The following LRP2 variants were observed in gnomAD, a reference collection of about 807,000 sequenced individuals.
LRP2 encodes the protein low-density lipoprotein receptor-related protein 2.
LRP2 carries 172 observed loss-of-function variants against 531.0 expected under a neutral mutation model. The ratio of observed to expected loss-of-function variants is 0.32; its 90% CI spans 0.29 to 0.37. LRP2 has a LOEUF of 0.37. LRP2 is among the 10% of genes least tolerant of loss of function. The pLI, the probability that LRP2 is intolerant of heterozygous loss-of-function variation, is 1.00. For synonymous variants in LRP2, 1,992 were observed against 2,027.6 expected (o/e 0.98, Z 0.47); for missense variants, 5,167 against 5,868.3 (o/e 0.88, Z 3.90).
chr2:169,282,453 T>C (rs1420255272), intron 10 of LRP2, among the ~76,000 whole-genome samples: 1 of 152,224 alleles, frequency 6.6e-6, no homozygotes, highest in East Asian at 1.9e-4. Flanking sequence ...AGCATGTCCA[T>C]TTGGAAATAT....
chr2:169,356,044 C>T (rs1271895362), intron 1 of LRP2, among the ~76,000 whole-genome samples: 1 of 152,086 alleles, frequency 6.6e-6, no homozygotes, highest in African/African-American at 2.4e-5. Flanking sequence ...GGGCACACCA[C>T]CATTCCTGGC....
intron 77 of LRP2, among the ~76,000 whole-genome samples, chr2:169,131,221 T>A (rs1457538225): frequency 6.6e-6 from 1 of 150,834 alleles, no homozygotes; most frequent in East Asian, 2.0e-4. Context: ...AATTCCTTTC[T>A]AGACAATATT....
chr2:169,338,359 G>GGAAAGAAA (rs869084371), intron 1 of LRP2, among the ~76,000 whole-genome samples: 11,572 of 76,238 alleles, frequency 0.15, 1,084 homozygotes, highest in Middle Eastern at 0.22. Context: ...AAAGAAAGAA[G>GGAAAGAAA]GAAAGAAAGA....
rs1318493100 is a variant in LRP2 at position 169,206,636 on chromosome 2, C to T, written c.7084G>A (p.Gly2362Arg). 6.2e-7 allele frequency: 1 copy of T among 1,614,002 alleles called. No homozygotes were observed. Among genetic ancestry groups the T allele is most frequent in the African/African-American group, 1.3e-5 (1 of 74,898 alleles). ...CAGTCACATTTTGGGGTGTGCAATC[C>T]AGGCAGAGCAAAGCAGAGATGAGAG... is the stretch of plus-strand genomic sequence containing the variant. ...GCSHLCFALP[G>R]LHTPKCDCAF... The change falls in exon 39 of 79, where the codon GGA becomes AGA. Residue 2362 changes from glycine (G) to arginine (R), a missense_variant. Gly to Arg is a moderately radical substitution (Grantham distance 125). Around this residue, in one of 6 missense-constraint regions of LRP2, gnomAD observed 2,811 missense variants for 3,058.0 expected, o/e 0.92. Coordinates refer to ENST00000649046, the MANE Select transcript of LRP2 (RefSeq NM_004525.3).
At chr2:169,335,272 C>T (rs1257502453) in intron 1 of LRP2, among the ~76,000 whole-genome samples, 1 of 152,152 alleles carries the variant, frequency 6.6e-6, no homozygotes, top group East Asian at 1.9e-4. Context: ...AGGTGATCCT[C>T]TGGAGTTTTA....
chr2:169,271,760 A>G lies in LRP2; in HGVS notation c.2117-653T>C, dbSNP rs867188915. On this transcript the variant is annotated intron_variant, in intron 15 of 78. Transcript: ENST00000649046. Reference sequence around the variant, plus strand: ...CCTCAAGTTGGTTTAACTTCTGCATAGAGATCTACACCAAGAACCTTACAG... The same window carrying G: ...CCTCAAGTTGGTTTAACTTCTGCATGGAGATCTACACCAAGAACCTTACAG... 1.2e-5 allele frequency: 10 copies of G among 824,874 alleles called. No individual in the cohort carries two copies. In the African/African-American group the frequency reaches 2.5e-4, roughly 21 times the overall value. 51.1% of individuals were successfully genotyped at this position (824,874 alleles called of 1,614,324 possible).
At chr2:169,286,156 G>A (rs544623588) in intron 9 of LRP2, among the ~76,000 whole-genome samples, 3 of 152,180 alleles carry the variant, frequency 2.0e-5, no homozygotes, top group African/African-American at 7.2e-5. Flanking sequence ...TGAAATAAAT[G>A]TTAACCCAGC....
chr2:169,346,977 A>C (rs1224189716), intron 1 of LRP2, among the ~76,000 whole-genome samples: 1 of 152,214 alleles, frequency 6.6e-6, no homozygotes. Context: ...TTCCCCATAA[A>C]GCCATTCTAA....
At position 169,347,821 on chromosome 2, in the gene LRP2, T is replaced by TTGAA. The variant is rs113680574; in HGVS notation, c.79+14496_79+14499dup. Among the ~76,000 whole-genome samples, 437 of 152,190 alleles carry TTGAA rather than the reference T, an allele frequency of 2.9e-3. 4 individuals carry two copies. The highest frequency in any genetic ancestry group is 8.5e-3 in the African/African-American group (352 of 41,502). ...GAGCATGATAAGGCTGCAACATATA[T>TTGAA]TGAATGAATGAATGAATGAATGAAC... On this transcript the variant is annotated intron_variant, in intron 1 of 78. Transcript: ENST00000649046.
intron 76 of LRP2, 109 bp downstream of exon 76, chr2:169,137,283 A>G (rs751693731): frequency 1.2e-4 from 103 of 853,790 alleles, no homozygotes; most frequent in Non-Finnish European, 1.9e-4. Context: ...ACCACTCACT[A>G]TGCTTCCTTC....
intron 1 of LRP2, among the ~76,000 whole-genome samples, chr2:169,332,396 G>A (rs1371763178): frequency 1.4e-5 from 2 of 141,548 alleles, no homozygotes; most frequent in Admixed American, 1.4e-4. Context: ...GCAAAAATAG[G>A]GAGAAAAAGA....
intron 58 of LRP2, 143 bp downstream of exon 58, chr2:169,171,872 T>C: frequency 1.0e-6 from 1 of 988,076 alleles, no homozygotes; most frequent in Non-Finnish European, 1.6e-6. Context: ...AGAAATGTAC[T>C]GACCAGCAGA....
chr2:169,307,487 A>C, intron 3 of LRP2, 90 bp from the exon 4 acceptor site: 1 of 819,994 alleles, frequency 1.2e-6, no homozygotes, highest in East Asian at 2.6e-5. Flanking sequence ...GGAAAGCATA[A>C]AGTTCATAGG....
At chr2:169,330,706 A>C (rs1026712051) in intron 1 of LRP2, among the ~76,000 whole-genome samples, 1 of 152,136 alleles carries the variant, frequency 6.6e-6, no homozygotes, top group Non-Finnish European at 1.5e-5. Context: ...GTGCTCCCCC[A>C]CATCACGGTG....
At chr2:169,134,432 C>T (rs542226759) in intron 76 of LRP2, among the ~76,000 whole-genome samples, 20 of 152,172 alleles carry the variant, frequency 1.3e-4, no homozygotes, top group African/African-American at 3.4e-4. Flanking sequence ...CCACACCTGA[C>T]CCCCATGACT....
At chr2:169,202,522 G>T (rs1378023870) in intron 43 of LRP2, among the ~76,000 whole-genome samples, 1 of 152,124 alleles carries the variant, frequency 6.6e-6, no homozygotes, top group African/African-American at 2.4e-5. Context: ...ACTTTCCCAG[G>T]TCTATACAGA....
chr2:169,150,795 A>T (rs1686089646), intron 68 of LRP2, 103 bp downstream of exon 68: 2 of 1,442,692 alleles, frequency 1.4e-6, no homozygotes, highest in Non-Finnish European at 1.9e-6. Flanking sequence ...AACTTGAAGG[A>T]CAATTTCAGT....
At chr2:169,212,571 T>C (rs1387648171) in intron 36 of LRP2, among the ~76,000 whole-genome samples, 1 of 152,152 alleles carries the variant, frequency 6.6e-6, no homozygotes, top group Non-Finnish European at 1.5e-5. Context: ...TTTTTTTAAA[T>C]ATATGAAATA....
intron 3 of LRP2, among the ~76,000 whole-genome samples, chr2:169,314,259 T>C (rs1684700537): frequency 6.6e-6 from 1 of 151,726 alleles, no homozygotes; most frequent in South Asian, 2.1e-4. Flanking sequence ...TAAATTTAGC[T>C]GGGCACAGTG....
Sources: allele counts gnomAD v4.1 joint callset (sites outside exome capture counted in the v4.1 genomes callset), GRCh38; gene constraint gnomAD v4.1.1; regional missense constraint gnomAD v4.1.1; transcripts MANE v1.5; gene names NCBI Gene and HGNC (gene_info 2026-07-23, HGNC 2026-07-21).